POU6F2: variants seen among roughly 807,000 people sequenced by gnomAD.
POU6F2 encodes the protein POU domain, class 6, transcription factor 2.
A neutral mutation model predicts 71.3 loss-of-function variants in POU6F2; 31 were observed. The observed-to-expected ratio is 0.43, with a 90% CI of 0.33 to 0.59. The LOEUF (loss-of-function observed/expected upper bound fraction) is 0.59. Among genes scored for constraint, POU6F2 ranks in the 20% least tolerant of loss-of-function variants. The pLI, the probability that POU6F2 is intolerant of heterozygous loss-of-function variation, is 0.04. For synonymous variants in POU6F2, 347 were observed against 355.7 expected (o/e 0.98, Z 0.27); for missense variants, 783 against 856.8 (o/e 0.91, Z 1.07).
chr7:39,323,068 C>T (rs1355034976), intron 4 of POU6F2, among the ~76,000 whole-genome samples: 1 of 150,640 alleles, frequency 6.6e-6, no homozygotes, highest in Non-Finnish European at 1.5e-5. Flanking sequence ...ATTTAGTGAA[C>T]ATCTGCTATA....
At chr7:39,227,579 G>A (rs1291519175) in intron 4 of POU6F2, among the ~76,000 whole-genome samples, 2 of 145,900 alleles carry the variant, frequency 1.4e-5, no homozygotes, top group African/African-American at 5.1e-5. Context: ...TTTTGAGACG[G>A]AGTCTCGCTC....
At position 39,341,944 on chromosome 7, in the gene POU6F2, CA is replaced by C. The variant is rs565040938; in HGVS notation, c.972+1930del. Among the ~76,000 whole-genome samples, 10 of 152,300 alleles carry C rather than the reference CA, an allele frequency of 6.6e-5. 1 individual carries two copies. The South Asian group carries it at 2.1e-3, about 32-fold the overall frequency. On this transcript the variant is annotated intron_variant, in intron 5 of 9. Coordinates refer to ENST00000518318, the MANE Select transcript of POU6F2 (RefSeq NM_001370959.1). ...TCCTAACAGTTTCTCGTGGAAATCC[CA>C]GGGCTGTTTGTTTTGTTTTGGTTTT...
intron 2 of POU6F2, among the ~76,000 whole-genome samples, chr7:39,126,888 T>C (rs1792149090): frequency 6.6e-6 from 1 of 152,138 alleles, no homozygotes; most frequent in African/African-American, 2.4e-5. Context: ...GCTAAAGAAA[T>C]AGATTAAAGA....
chr7:39,364,665 G>A (rs1301340140), intron 5 of POU6F2, among the ~76,000 whole-genome samples: 1 of 152,118 alleles, frequency 6.6e-6, no homozygotes, highest in African/African-American at 2.4e-5. Flanking sequence ...TCCACTCGTT[G>A]ATTGACGGGT....
At chr7:39,340,492 T>C (rs1200711664) in intron 5 of POU6F2, among the ~76,000 whole-genome samples, 1 of 152,210 alleles carries the variant, frequency 6.6e-6, no homozygotes, top group African/African-American at 2.4e-5. Flanking sequence ...TCTATTTTTC[T>C]AAAGACTCTC....
intron 1 of POU6F2, among the ~76,000 whole-genome samples, chr7:39,036,888 T>G (rs1273581998): frequency 6.6e-6 from 1 of 151,416 alleles, no homozygotes; most frequent in Admixed American, 6.6e-5. Context: ...ATTATTATTA[T>G]TATTATTATT....
chr7:39,133,779 A>G (rs1218678223), intron 2 of POU6F2, among the ~76,000 whole-genome samples: 1 of 152,244 alleles, frequency 6.6e-6, no homozygotes, highest in Admixed American at 6.5e-5. Context: ...ATTCACATAG[A>G]CCACAATGTA....
intron 2 of POU6F2, among the ~76,000 whole-genome samples, chr7:39,192,089 C>T (rs1793681451): frequency 6.6e-6 from 1 of 152,214 alleles, no homozygotes; most frequent in Non-Finnish European, 1.5e-5. Flanking sequence ...ACATCTTTCT[C>T]TTCCTGATCA....
chr7:39,294,729 T>C (rs1161484950), intron 4 of POU6F2, among the ~76,000 whole-genome samples: 2 of 152,086 alleles, frequency 1.3e-5, no homozygotes, highest in Non-Finnish European at 2.9e-5. Context: ...CACCAAGAGA[T>C]GGCAGGACCT....
At chr7:39,250,811 T>C (rs1195029821) in intron 4 of POU6F2, among the ~76,000 whole-genome samples, 2 of 152,208 alleles carry the variant, frequency 1.3e-5, no homozygotes, top group Non-Finnish European at 2.9e-5. Context: ...AAATTATCTT[T>C]ATATAAAAGA....
At chr7:39,100,339 G>A (rs1005562650) in intron 2 of POU6F2, among the ~76,000 whole-genome samples, 8 of 152,214 alleles carry the variant, frequency 5.3e-5, no homozygotes, top group African/African-American at 1.4e-4. Flanking sequence ...TCATTGGGAA[G>A]AAACATGTTA....
At chr7:39,276,731 G>A (rs1202235240) in intron 4 of POU6F2, among the ~76,000 whole-genome samples, 2 of 151,966 alleles carry the variant, frequency 1.3e-5, no homozygotes, top group Non-Finnish European at 2.9e-5. Context: ...CATAAAAAAT[G>A]ATGAGTTCAT....
chr7:39,014,006 T>C (rs191406382), intron 1 of POU6F2, among the ~76,000 whole-genome samples: 1 of 152,158 alleles, frequency 6.6e-6, no homozygotes, highest in Admixed American at 6.5e-5. Context: ...TCCTCATGAG[T>C]TGCAAAAAGA....
chr7:39,355,380 T>C (rs1243861357), intron 5 of POU6F2, among the ~76,000 whole-genome samples: 1 of 152,222 alleles, frequency 6.6e-6, no homozygotes, highest in Non-Finnish European at 1.5e-5. Flanking sequence ...CATATATAGT[T>C]ACATGTTGAG....
intron 1 of POU6F2, among the ~76,000 whole-genome samples, chr7:39,007,102 C>T (rs1318660564): frequency 2.0e-5 from 3 of 152,166 alleles, no homozygotes; most frequent in Non-Finnish European, 4.4e-5. Flanking sequence ...GTTTGTTTTA[C>T]TGAACACCTA....
At chr7:39,096,140 C>T (rs1791450544) in intron 2 of POU6F2, among the ~76,000 whole-genome samples, 1 of 152,132 alleles carries the variant, frequency 6.6e-6, no homozygotes, top group Non-Finnish European at 1.5e-5. Flanking sequence ...GCTCAGTCCT[C>T]TTAACATTTG....
At chr7:39,123,661 T>C (rs555777518) in intron 2 of POU6F2, among the ~76,000 whole-genome samples, 1 of 152,322 alleles carries the variant, frequency 6.6e-6, no homozygotes, top group East Asian at 1.9e-4. Flanking sequence ...CTATTATCTC[T>C]TGCTCATTTT....
chr7:39,169,935 C>T (rs1368458770), intron 2 of POU6F2, among the ~76,000 whole-genome samples: 6 of 152,102 alleles, frequency 3.9e-5, no homozygotes. Flanking sequence ...GTAATCCCAG[C>T]ACTTTGGGAG....
intron 4 of POU6F2, among the ~76,000 whole-genome samples, chr7:39,284,921 T>C (rs1012943558): frequency 8.5e-5 from 13 of 152,188 alleles, no homozygotes; most frequent in Non-Finnish European, 1.5e-4. Flanking sequence ...GCATCATTGC[T>C]TCTCACAGGC....
Sources: gnomAD v4.1 joint callset for allele counts (sites outside exome capture counted in the v4.1 genomes callset) on GRCh38, gnomAD v4.1.1 for gene constraint, MANE v1.5 for transcripts, NCBI Gene and HGNC (gene_info 2026-07-23, HGNC 2026-07-21) for gene names.